The following SPTAN1 variants were observed in gnomAD, a reference collection of about 807,000 sequenced individuals.
The protein encoded by SPTAN1 is spectrin alpha, non-erythrocytic 1, also known as spectrin alpha chain, non-erythrocytic 1.
Under a neutral mutation model 331.3 loss-of-function variants are expected in SPTAN1, and 61 were observed. The ratio of observed to expected loss-of-function variants is 0.18; its 90% CI spans 0.15 to 0.23. The LOEUF (loss-of-function observed/expected upper bound fraction) is 0.23, where lower values mean the gene tolerates loss of function less well. Ranked by LOEUF, SPTAN1 falls within the 10% of genes least tolerant of loss-of-function variation. The pLI is 1.00. For synonymous variants in SPTAN1, 1,153 were observed against 1,173.9 expected (o/e 0.98, Z 0.36); for missense variants, 2,043 against 3,147.9 (o/e 0.65, Z 8.40).
At chr9:128,587,993 T>G (rs962548104) in intron 20 of SPTAN1, among the ~76,000 whole-genome samples, 2 of 148,990 alleles carry the variant, frequency 1.3e-5, no homozygotes, top group South Asian at 2.1e-4. Context: ...TTACAGGTGT[T>G]CACCACCATG....
Position 128,592,986 on chromosome 9 carries a change from A to G in SPTAN1, c.3159A>G (p.Thr1053=). 1 of 1,607,638 alleles carries G rather than the reference A, an allele frequency of 6.2e-7. No homozygotes were observed. Among genetic ancestry groups the G allele is most frequent in the Non-Finnish European group, 8.5e-7 (1 of 1,176,640 alleles). ...TTGCTGTGCCCCCTCTGTGCAGGAC[A>G]CGCATAACTAAGGAGGCCGGCAGTG... is the stretch of plus-strand genomic sequence containing the variant. The part of the protein sequence containing the change: ...ALRQEQIDNQ[T]RITKEAGSVS... Residue 1053 remains threonine, a synonymous_variant, in exon 23 of 57, where the codon ACA becomes ACG. Coordinates refer to ENST00000372739, the MANE Select transcript of SPTAN1 (RefSeq NM_001130438.3).
At chr9:128,626,847 C>T (rs1589390555) in intron 49 of SPTAN1, among the ~76,000 whole-genome samples, 160 bp downstream of exon 49, 1 of 152,172 alleles carries the variant, frequency 6.6e-6, no homozygotes, top group Non-Finnish European at 1.5e-5. Flanking sequence ...GAGGCAGGGT[C>T]TCTGTCACCC....
chr9:128,605,031 T>A lies in SPTAN1; in HGVS notation c.3720-3T>A. 2 of 1,614,150 alleles carry A rather than the reference T, an allele frequency of 1.2e-6. No homozygotes were observed. The highest frequency in any genetic ancestry group is 2.2e-5 in the South Asian group (2 of 91,070). On this transcript the variant is annotated splice_region_variant and splice_polypyrimidine_tract_variant and intron_variant, in intron 29 of 56. Transcript: ENST00000372739. Reference sequence around the variant, plus strand: ...TCTTAACCTGAATGTGTCTCGCCTTTAGAGATGCTGATGAAACCAAAGAAT... The same window carrying A: ...TCTTAACCTGAATGTGTCTCGCCTTAAGAGATGCTGATGAAACCAAAGAAT...
chr9:128,632,740 G>A, intron 55 of SPTAN1, 22 bp downstream of exon 55: 2 of 1,614,030 alleles, frequency 1.2e-6, no homozygotes, highest in Admixed American at 1.7e-5. Context: ...AAGGCCAGGT[G>A]CTGTGAGCCT....
rs1231849299 is a variant in SPTAN1, at chr9:128,583,127, T to C, written c.1857T>C (p.Ala619=). The C allele has an allele frequency of 1.2e-6, 2 of 1,614,190 alleles. No individual in the cohort carries two copies. The highest frequency in any genetic ancestry group is 3.3e-5 in the Admixed American group (2 of 60,020). Reference sequence around the variant, plus strand: ...TACAGAAGCATCAGGCTTTTGAGGCTGAGCTCTCAGCAAACCAGAGCCGAA... The same window carrying C: ...TACAGAAGCATCAGGCTTTTGAGGCCGAGCTCTCAGCAAACCAGAGCCGAA... ...GKVQKHQAFE[A]ELSANQSRID... Residue 619 remains alanine (A), a synonymous_variant, in exon 15 of 57, where the codon GCT becomes GCC. Coordinates refer to ENST00000372739, the MANE Select transcript of SPTAN1 (RefSeq NM_001130438.3).
chr9:128,633,615 C>A lies in SPTAN1; in HGVS notation c.*281C>A. The A allele has an allele frequency of 8.0e-7, 1 of 1,247,326 alleles. No homozygotes were observed. Among genetic ancestry groups the A allele is most frequent in the Non-Finnish European group, 1.1e-6 (1 of 894,316 alleles). 77.3% of individuals were successfully genotyped at this position (1,247,326 alleles called of 1,614,324 possible). A position where few individuals can be genotyped will look rare whatever the true frequency, so the allele number is the denominator to read the frequency against. ...CCTTGTTCTCTCTCCCACCCTCCCCCAAATCTGTTTTCATGTAAAAGACAA... is the reference window on the plus strand; with the variant it reads ...CCTTGTTCTCTCTCCCACCCTCCCCAAAATCTGTTTTCATGTAAAAGACAA... On this transcript the variant is annotated 3_prime_UTR_variant, in exon 57 of 57. Coordinates refer to ENST00000372739, the MANE Select transcript of SPTAN1 (RefSeq NM_001130438.3).
At chr9:128,606,532 G>A (rs562153855) in intron 31 of SPTAN1, among the ~76,000 whole-genome samples, 2 of 149,478 alleles carry the variant, frequency 1.3e-5, no homozygotes, top group African/African-American at 4.9e-5. Flanking sequence ...TGCCCAGGCT[G>A]GAGTGCAGTG....
rs918416076 is a variant in SPTAN1 at position 128,627,235 on chromosome 9, C to T, written c.6577-151C>T. ...AACAGAGAAAGAACTACCAAGTGCT[C>T]TGAGCCGGCCTCATGTCTCCCAGCC... On this transcript the variant is annotated intron_variant, in intron 49 of 56. Coordinates refer to ENST00000372739, the MANE Select transcript of SPTAN1 (RefSeq NM_001130438.3). This position sits in a 1 kb window ranked among gnomAD's most constrained non-coding sequence, Gnocchi z 4.9. 1 of 704,706 alleles carries T rather than the reference C, an allele frequency of 1.4e-6. No individual in the cohort carries two copies. Among genetic ancestry groups the T allele is most frequent in the African/African-American group, 1.8e-5 (1 of 56,730 alleles). 43.7% of individuals were successfully genotyped at this position (704,706 alleles called of 1,614,324 possible).
At chr9:128,609,512 A>G (rs941755994) in intron 36 of SPTAN1, 139 bp from the exon 37 acceptor site, 7 of 948,512 alleles carry the variant, frequency 7.4e-6, no homozygotes, top group East Asian at 2.6e-5. Context: ...ATAAAAGTCT[A>G]TAGAATCCCC....
At chr9:128,604,472 T>G in intron 29 of SPTAN1, 55 bp downstream of exon 29, 2 of 1,543,048 alleles carry the variant, frequency 1.3e-6, no homozygotes, top group South Asian at 1.2e-5. Context: ...GCTGGTTTCC[T>G]GACAGCCCCC....
At chr9:128,589,572 G>C (rs954678484) in intron 21 of SPTAN1, among the ~76,000 whole-genome samples, 18 of 88,240 alleles carry the variant, frequency 2.0e-4, no homozygotes, top group African/African-American at 6.9e-4. Context: ...CGCCGTGCCC[G>C]GCCTTTTTTT....
chr9:128,626,864 C>T, intron 49 of SPTAN1, 177 bp downstream of exon 49: 1 of 744,272 alleles, frequency 1.3e-6, no homozygotes, highest in South Asian at 1.7e-5. Context: ...ACCCAGGCTT[C>T]AGTGCAGTGG....
At chr9:128,582,053 CAT>C (rs1852012565) in intron 12 of SPTAN1, 161 bp downstream of exon 12, 3 of 663,564 alleles carry the variant, frequency 4.5e-6, no homozygotes, top group Admixed American at 5.0e-5. Flanking sequence ...TCGTTGAAGA[CAT>C]AATACAACTT....
intron 40 of SPTAN1, among the ~76,000 whole-genome samples, chr9:128,615,401 C>A (rs912106615): frequency 6.6e-6 from 1 of 152,102 alleles, no homozygotes; most frequent in African/African-American, 2.4e-5. Flanking sequence ...ACCAGCATGT[C>A]CCCTCCTCCA....
chr9:128,595,309 C>T (rs1259045465), intron 24 of SPTAN1, among the ~76,000 whole-genome samples: 1 of 152,124 alleles, frequency 6.6e-6, no homozygotes, highest in Non-Finnish European at 1.5e-5. Context: ...GGGATTTTGC[C>T]ATGTTGGCCA....
At chr9:128,626,150 T>C (rs1465604777) in intron 48 of SPTAN1, among the ~76,000 whole-genome samples, 172 bp downstream of exon 48, 2 of 152,140 alleles carry the variant, frequency 1.3e-5, no homozygotes, top group African/African-American at 4.8e-5. Context: ...GAGAGGGCCC[T>C]GTGAGATCGC....
At chr9:128,611,519 C>T (rs1856556773) in intron 37 of SPTAN1, 195 bp from the exon 38 acceptor site, 2 of 634,520 alleles carry the variant, frequency 3.2e-6, no homozygotes, top group African/African-American at 3.7e-5. Flanking sequence ...ACATTTCCTT[C>T]CTCCTTTGCT....
At chr9:128,561,686 A>AAAAG (rs1849384871) in intron 1 of SPTAN1, among the ~76,000 whole-genome samples, 1 of 147,166 alleles carries the variant, frequency 6.8e-6, no homozygotes, top group Non-Finnish European at 1.5e-5. Flanking sequence ...AAAAAAAAAA[A>AAAAG]AAGAATATGT....
chr9:128,578,258 C>G lies in SPTAN1; in HGVS notation c.1221+13C>G, dbSNP rs1468365610. On this transcript the variant is annotated intron_variant, in intron 9 of 56. Coordinates refer to ENST00000372739, the MANE Select transcript of SPTAN1 (RefSeq NM_001130438.3). ...CCAAGAGCACAAGGTAATGGTATCT[C>G]TAGAATCTTCCAGAAGTGAAGATTT... The G allele has an allele frequency of 3.1e-6, 5 of 1,613,868 alleles. No homozygotes were observed. The highest frequency in any genetic ancestry group is 3.3e-4 in the Middle Eastern group (2 of 6,060).
Sources: allele counts gnomAD v4.1 joint callset (sites outside exome capture counted in the v4.1 genomes callset), GRCh38; gene constraint gnomAD v4.1.1; non-coding constraint Gnocchi (gnomAD v3.1); transcripts MANE v1.5; gene names NCBI Gene and HGNC (gene_info 2026-07-23, HGNC 2026-07-21).